SEC24D: variants seen among roughly 807,000 people sequenced by gnomAD.
SEC24D encodes the protein protein transport protein Sec24D.
In SEC24D, 69 loss-of-function variants were observed where a neutral mutation model predicts 116.9. The observed-to-expected ratio is 0.59, with a 90% CI of 0.49 to 0.72. The LOEUF (loss-of-function observed/expected upper bound fraction) is 0.72, where lower values mean the gene tolerates loss of function less well. Ranked by LOEUF, SEC24D falls within the 30% of genes least tolerant of loss-of-function variation. SEC24D has a pLI of 0.00. For synonymous variants in SEC24D, 405 were observed against 442.8 expected (o/e 0.91, Z 1.07); for missense variants, 1,131 against 1,264.1 (o/e 0.89, Z 1.60).
intron 12 of SEC24D, 151 bp downstream of exon 12, chr4:118,752,546 G>C (rs1726891565): frequency 1.7e-6 from 1 of 589,770 alleles, no homozygotes; most frequent in Non-Finnish European, 2.8e-6. Context: ...ATTTAAAAAA[G>C]ACTGACTTAA....
chr4:118,828,434 G>C (rs544206487), intron 2 of SEC24D, among the ~76,000 whole-genome samples: 1 of 152,176 alleles, frequency 6.6e-6, no homozygotes, highest in African/African-American at 2.4e-5. Flanking sequence ...TTAACTCTCA[G>C]TCTCCAGACC....
At chr4:118,819,494 G>A (rs573632360) in intron 3 of SEC24D, among the ~76,000 whole-genome samples, 1 of 131,086 alleles carries the variant, frequency 7.6e-6, no homozygotes, top group African/African-American at 2.8e-5. Flanking sequence ...TCGCGCCACT[G>A]CACTCCAGCC....
At chr4:118,768,941 C>T (rs7681835) in intron 8 of SEC24D, among the ~76,000 whole-genome samples, 44,213 of 152,036 alleles carry the variant, frequency 0.29, 7,265 homozygotes, top group Non-Finnish European at 0.37. Context: ...CTTATACTTA[C>T]GTTAAAAACA....
At chr4:118,735,095 T>C (rs777187361) in intron 19 of SEC24D, among the ~76,000 whole-genome samples, 2 of 152,210 alleles carry the variant, frequency 1.3e-5, no homozygotes, top group African/African-American at 2.4e-5. Flanking sequence ...TTCAGAAATC[T>C]GTGATCCTAA....
intron 8 of SEC24D, among the ~76,000 whole-genome samples, chr4:118,776,490 G>GT: frequency 6.6e-6 from 1 of 152,236 alleles, no homozygotes; most frequent in African/African-American, 2.4e-5. Flanking sequence ...CACCTTAATA[G>GT]TTTTTTCTGT....
intron 6 of SEC24D, among the ~76,000 whole-genome samples, chr4:118,812,505 G>A (rs1465596808): frequency 6.6e-6 from 1 of 152,124 alleles, no homozygotes. Context: ...CACATCAGCG[G>A]ATAAAGATAC....
chr4:118,728,753 G>T, intron 21 of SEC24D, 103 bp from the exon 22 acceptor site: 1 of 679,642 alleles, frequency 1.5e-6, no homozygotes, highest in South Asian at 2.6e-5. Flanking sequence ...CCATGTACTT[G>T]AACATTGGTG....
chr4:118,806,447 G>A (rs186790861), intron 6 of SEC24D, among the ~76,000 whole-genome samples: 1 of 151,748 alleles, frequency 6.6e-6, no homozygotes, highest in Admixed American at 6.6e-5. Flanking sequence ...GCCATTCCGA[G>A]TAGCTGGGAC....
rs114692711 is a variant in SEC24D, at chr4:118,793,017, T to C, written c.1041+4666A>G. On this transcript the variant is annotated intron_variant, in intron 8 of 22. Coordinates refer to ENST00000280551, the MANE Select transcript of SEC24D (RefSeq NM_014822.4). Reference sequence around the variant, plus strand: ...TTTAGTTTTTGGAGGGGATAGGGTATCTAAGGGGAGTGGAAAGAAGATCCC... The same window carrying C: ...TTTAGTTTTTGGAGGGGATAGGGTACCTAAGGGGAGTGGAAAGAAGATCCC... Among the ~76,000 whole-genome samples the C allele has an allele frequency of 5.0e-3, 760 of 152,314 alleles. 5 individuals are homozygous for C. Among genetic ancestry groups the C allele is most frequent in the African/African-American group, 0.018 (729 of 41,562 alleles).
chr4:118,820,674 G>GTTTT (rs1730364735), intron 3 of SEC24D, among the ~76,000 whole-genome samples: 4 of 142,890 alleles, frequency 2.8e-5, no homozygotes, highest in African/African-American at 2.5e-5. Context: ...TTTTTTTTTC[G>GTTTT]CTATAAATAT....
At chr4:118,774,036 TAGTTCTA>T (rs1298601049) in intron 8 of SEC24D, among the ~76,000 whole-genome samples, 3 of 152,026 alleles carry the variant, frequency 2.0e-5, no homozygotes, top group Non-Finnish European at 4.4e-5. Context: ...TACATTGTGT[TAGTTCTA>T]AGACTATATT....
At chr4:118,746,532 T>G (rs990845802) in intron 13 of SEC24D, among the ~76,000 whole-genome samples, 1 of 152,106 alleles carries the variant, frequency 6.6e-6, no homozygotes, top group African/African-American at 2.4e-5. Flanking sequence ...TGAGTCTGAA[T>G]CTATCTTTCC....
chr4:118,768,711 G>A (rs1388856145), intron 8 of SEC24D, among the ~76,000 whole-genome samples: 1 of 151,526 alleles, frequency 6.6e-6, no homozygotes, highest in Non-Finnish European at 1.5e-5. Context: ...CAATTTTTAA[G>A]GAACTCAACT....
chr4:118,729,976 C>T (rs1725600929), intron 21 of SEC24D: 1 of 152,190 alleles, frequency 6.6e-6, no homozygotes, highest in African/African-American at 2.4e-5. Flanking sequence ...GTGCCAGCTG[C>T]CTCTAAAAAG....
At chr4:118,789,877 C>A (rs1048563815) in intron 8 of SEC24D, among the ~76,000 whole-genome samples, 1 of 152,198 alleles carries the variant, frequency 6.6e-6, no homozygotes, top group Non-Finnish European at 1.5e-5. Context: ...AGCCACCGCG[C>A]CCTGCCTCAA....
At position 118,828,431 on chromosome 4, in the gene SEC24D, T is replaced by C. The variant is rs150228122; in HGVS notation, c.119-3682A>G. On this transcript the variant is annotated intron_variant, in intron 2 of 22. Transcript: ENST00000280551. Reference sequence around the variant, plus strand: ...GCCTTACATTAATACTTCTTAACTCTCAGTCTCCAGACCAGTGTCCTCAAG... The same window carrying C: ...GCCTTACATTAATACTTCTTAACTCCCAGTCTCCAGACCAGTGTCCTCAAG... Among the ~76,000 whole-genome samples, 571 of 152,216 alleles carry C rather than the reference T, an allele frequency of 3.8e-3. 4 individuals carry two copies. Among genetic ancestry groups the C allele is most frequent in the African/African-American group, 0.013 (535 of 41,536 alleles).
intron 8 of SEC24D, among the ~76,000 whole-genome samples, chr4:118,778,954 T>C (rs2110484073): frequency 6.6e-6 from 1 of 152,340 alleles, no homozygotes; most frequent in East Asian, 1.9e-4. Context: ...ATTGATTTTG[T>C]ATCCTGAGAC....
intron 22 of SEC24D, among the ~76,000 whole-genome samples, chr4:118,727,654 G>A (rs28738711): frequency 0.012 from 1,768 of 151,844 alleles, 37 homozygotes; most frequent in African/African-American, 0.04. Context: ...CTAGAAAAAC[G>A]TGTAACCAAA....
rs1443684745 is a variant in SEC24D at position 118,723,673 on chromosome 4, A to G, written c.2959-18T>C. 6.3e-7 allele frequency: 1 copy of G among 1,593,736 alleles called. No individual in the cohort carries two copies. Among genetic ancestry groups the G allele is most frequent in the Non-Finnish European group, 8.5e-7 (1 of 1,174,470 alleles). ...ATTGTGAGCTAGGAAAAAAAAAACA[A>G]AACAGTAACAGCCCCTGGTTATAAA... On this transcript the variant is annotated intron_variant, in intron 22 of 22. Transcript: ENST00000280551.
Sources: gnomAD v4.1 joint callset for allele counts (sites outside exome capture counted in the v4.1 genomes callset) on GRCh38, gnomAD v4.1.1 for gene constraint, MANE v1.5 for transcripts, NCBI Gene and HGNC (gene_info 2026-07-23, HGNC 2026-07-21) for gene names.